Variants in EIF2S3 observed in about 807,000 individuals in gnomAD.
EIF2S3 encodes the protein eukaryotic translation initiation factor 2 subunit gamma, also known as eukaryotic translation initiation factor 2 subunit 3.
A neutral mutation model predicts 31.7 loss-of-function variants in EIF2S3; 2 were observed. The ratio of observed to expected loss-of-function variants is 0.06; its 90% CI spans 0.03 to 0.20. The LOEUF is 0.20. EIF2S3 is among the 10% of genes least tolerant of loss of function. The pLI is 1.00. For missense variants in EIF2S3, 96 were observed against 359.3 expected, an observed-to-expected ratio of 0.27 and a Z score of 5.92; for synonymous variants, 120 against 126.7, an observed-to-expected ratio of 0.95 and a Z score of 0.36.
intron 11 of EIF2S3, among the ~76,000 whole-genome samples, chrX:24,074,788 G>T (rs146917156): frequency 4.9e-4 from 51 of 105,072 alleles, no homozygotes; most frequent in African/African-American, 1.7e-3. Context: ...ATTGTTCGAC[G>T]TTTGGCCAGT....
At chrX:24,073,623 T>G (rs1003562264) in intron 11 of EIF2S3, 13 of 121,117 alleles carry the variant, frequency 1.1e-4, no homozygotes, top group African/African-American at 2.9e-4. Flanking sequence ...AACCTGGGAG[T>G]CGGAGCTTGC....
At position 24,068,020 on chromosome X, in the gene EIF2S3, A is replaced by T. The variant is rs1930605456; in HGVS notation, c.924A>T (p.Lys308Asn). ...TTGTTTCCAAAGATAGTGAAGGAAAACTCATGTGTAAACCAATCTTTTCCA... is the reference window on the plus strand; with the variant it reads ...TTGTTTCCAAAGATAGTGAAGGAAATCTCATGTGTAAACCAATCTTTTCCA... ...PGIVSKDSEG[K>N]LMCKPIFSKI... The change falls in exon 9 of 12, where the codon AAA (lysine) becomes AAT (asparagine). Residue 308 changes from lysine (K) to asparagine (N), a missense_variant. Lys to Asn is a moderately conservative substitution (Grantham distance 94). Around this residue, in one of 5 missense-constraint regions of EIF2S3, gnomAD observed 30 missense variants for 139.5 expected, o/e 0.22. Transcript: ENST00000253039. 1 of 1,203,828 alleles carries T rather than the reference A, an allele frequency of 8.3e-7. No homozygotes were observed. Among genetic ancestry groups the T allele is most frequent in the East Asian group, 3.0e-5 (1 of 33,704 alleles).
At chrX:24,071,127 T>C (rs1457032603) in intron 9 of EIF2S3, among the ~76,000 whole-genome samples, 1 of 111,368 alleles carries the variant, frequency 9.0e-6, no homozygotes, top group Non-Finnish European at 1.9e-5. Context: ...TATATGAGTA[T>C]AAAAATAAAA....
At chrX:24,074,862 CTTTTTTTTT>C (rs758813480) in intron 11 of EIF2S3, among the ~76,000 whole-genome samples, 7 of 47,466 alleles carry the variant, frequency 1.5e-4, no homozygotes, top group South Asian at 9.5e-4. Context: ...TTTTCTTCTT[CTTTTTTTTT>C]TTTTTTTTTT....
chrX:24,058,666 G>A (rs1368224800), intron 4 of EIF2S3, among the ~76,000 whole-genome samples: 1 of 107,114 alleles, frequency 9.3e-6, no homozygotes, highest in Non-Finnish European at 1.9e-5. Flanking sequence ...CGAGTAGCTG[G>A]GATTACAGGC....
At chrX:24,071,502 T>G in intron 9 of EIF2S3, 56 bp from the exon 10 acceptor site, 1 of 1,134,523 alleles carries the variant, frequency 8.8e-7, no homozygotes, top group Non-Finnish European at 1.2e-6. Flanking sequence ...CTAATTCACT[T>G]TATAGGTGTT....
At position 24,076,952 on chromosome X, in the gene EIF2S3, A is replaced by C. The variant is rs900330663; in HGVS notation, c.*167A>C. 6 of 279,895 alleles carry C rather than the reference A, an allele frequency of 2.1e-5. No homozygotes were observed. The allele number at this position is 279,895 out of a possible 1,213,427, so 23.1% of individuals were successfully genotyped here. A position where few individuals can be genotyped will look rare whatever the true frequency, so the allele number is the denominator to read the frequency against. On this transcript the variant is annotated 3_prime_UTR_variant, in exon 12 of 12. Transcript: ENST00000253039. ...TTTTTTTTTTTTTTTTTTTTTGGTT[A>C]TGAAAACTTAGGGACTAAAATTAAT...
chrX:24,057,044 T>A (rs1036483649), intron 2 of EIF2S3, among the ~76,000 whole-genome samples: 9 of 112,316 alleles, frequency 8.0e-5, no homozygotes, highest in African/African-American at 2.9e-4. Context: ...ATTTATTTAT[T>A]TATTTGCGAC....
At chrX:24,062,374 C>T (rs1297381620) in intron 5 of EIF2S3, 42 bp from the exon 6 acceptor site, 2 of 1,158,967 alleles carry the variant, frequency 1.7e-6, no homozygotes, top group African/African-American at 3.7e-5. Flanking sequence ...TGGATATTTC[C>T]AGCTATTCTT....
At chrX:24,060,215 A>C in intron 5 of EIF2S3, 33 bp downstream of exon 5, 11 of 1,087,787 alleles carry the variant, frequency 1.0e-5, no homozygotes, top group South Asian at 1.8e-5. Context: ...GGACAAATCA[A>C]TGTGGAACAA....
intron 11 of EIF2S3, among the ~76,000 whole-genome samples, chrX:24,076,119 C>T (rs779625841): frequency 8.9e-6 from 1 of 112,171 alleles, no homozygotes; most frequent in African/African-American, 3.2e-5. Context: ...TTTGTTGTCT[C>T]TTAAGTAAAT....
intron 1 of EIF2S3, 26 bp downstream of exon 1, chrX:24,055,063 A>C: frequency 2.5e-6 from 3 of 1,206,295 alleles, no homozygotes; most frequent in Non-Finnish European, 3.4e-6. Context: ...GGGAGGATGC[A>C]GAGTGAGCTC....
At chrX:24,075,534 C>T (rs2147132425) in intron 11 of EIF2S3, among the ~76,000 whole-genome samples, 1 of 111,695 alleles carries the variant, frequency 9.0e-6, no homozygotes, top group South Asian at 3.7e-4. Flanking sequence ...CTTCTTAAAA[C>T]ATTTTCATCA....
chrX:24,055,941 C>T (rs377682819), intron 2 of EIF2S3, among the ~76,000 whole-genome samples: 15 of 111,770 alleles, frequency 1.3e-4, no homozygotes, highest in African/African-American at 4.9e-4. Flanking sequence ...TCATATGTAG[C>T]AGAAGTTTAA....
chrX:24,060,948 C>A (rs866907341), intron 5 of EIF2S3, among the ~76,000 whole-genome samples: 7 of 24,308 alleles, frequency 2.9e-4, no homozygotes, highest in Admixed American at 8.2e-4. Flanking sequence ...AACTACATCT[C>A]AAAAAAAAAA....
chrX:24,071,863 A>G lies in EIF2S3; in HGVS notation c.1182+136A>G, dbSNP rs1425257360. ...AAGGTAAATAAATTTGACCTCCCCA[A>G]AATTGAGGGTTTTTTTTTTTTTAAT... is the stretch of plus-strand genomic sequence containing the variant. On this transcript the variant is annotated intron_variant, in intron 10 of 11. Coordinates refer to ENST00000253039, the MANE Select transcript of EIF2S3 (RefSeq NM_001415.4). The G allele has an allele frequency of 3.1e-5, 22 of 720,392 alleles. 1 individual carries two copies. Among genetic ancestry groups the G allele is most frequent in the Admixed American group, 4.2e-5 (1 of 24,067 alleles). 59.4% of individuals were successfully genotyped at this position (720,392 alleles called of 1,213,427 possible). A position where few individuals can be genotyped will look rare whatever the true frequency, so the allele number is the denominator to read the frequency against.
intron 5 of EIF2S3, among the ~76,000 whole-genome samples, chrX:24,061,501 G>A (rs1054460960): frequency 9.1e-5 from 10 of 109,418 alleles, no homozygotes; most frequent in African/African-American, 3.0e-4. Context: ...GGAGGTTGCA[G>A]TGAGCCGAGG....
At chrX:24,055,715 A>G in intron 2 of EIF2S3, 37 bp downstream of exon 2, 1 of 1,164,092 alleles carries the variant, frequency 8.6e-7, no homozygotes, top group Non-Finnish European at 1.2e-6. Flanking sequence ...TTGGTCTCCA[A>G]CAATTAATTT....
intron 8 of EIF2S3, 144 bp downstream of exon 8, chrX:24,066,236 A>T: frequency 2.5e-6 from 1 of 397,268 alleles, no homozygotes; most frequent in Non-Finnish European, 4.2e-6. Flanking sequence ...CTGGTATTTG[A>T]TGTAGAGTTC....
Sources: gnomAD v4.1 joint callset for allele counts (sites outside exome capture counted in the v4.1 genomes callset) on GRCh38, gnomAD v4.1.1 for gene constraint, gnomAD v4.1.1 regional missense constraint, MANE v1.5 for transcripts, NCBI Gene and HGNC (gene_info 2026-07-23, HGNC 2026-07-21) for gene names.